SYNJ1: variants seen among roughly 807,000 people sequenced by gnomAD.
SYNJ1 encodes the protein polyphosphatidylinositol phosphatase SYNJ1.
SYNJ1 carries 78 observed loss-of-function variants against 168.2 expected under a neutral mutation model. The ratio of observed to expected loss-of-function variants is 0.46; its 90% CI spans 0.39 to 0.56. The LOEUF is 0.56. Among genes scored for constraint, SYNJ1 ranks in the 20% least tolerant of loss-of-function variants. The pLI is 0.00. For synonymous variants in SYNJ1, 539 were observed against 548.6 expected (o/e 0.98, Z 0.24); for missense variants, 1,303 against 1,597.6 (o/e 0.82, Z 3.14).
At chr21:32,681,406 C>A (rs774575888) in intron 11 of SYNJ1, 90 bp downstream of exon 11, 75 of 1,384,214 alleles carry the variant, frequency 5.4e-5, no homozygotes, top group Non-Finnish European at 7.0e-5. Context: ...TAATTTAAAC[C>A]ATCTATTAAC....
chr21:32,688,886 T>C (rs1333321767), intron 6 of SYNJ1, among the ~76,000 whole-genome samples: 1 of 152,244 alleles, frequency 6.6e-6, no homozygotes, highest in Non-Finnish European at 1.5e-5. Context: ...TTCTCTACTA[T>C]GTTGAATATT....
At chr21:32,669,127 G>A (rs1249184319) in intron 15 of SYNJ1, among the ~76,000 whole-genome samples, 1 of 152,102 alleles carries the variant, frequency 6.6e-6, no homozygotes, top group South Asian at 2.1e-4. Flanking sequence ...AAGCACTTGT[G>A]TTGCATACTG....
Position 32,639,900 on chromosome 21 carries a change from A to G in SYNJ1, c.3589-121T>C, listed in dbSNP as rs144067694. 12,346 of 737,270 alleles carry G rather than the reference A, an allele frequency of 0.017. 138 individuals carry two copies. Among genetic ancestry groups the G allele is most frequent in the Non-Finnish European group, 0.021 (9,574 of 455,132 alleles). The allele number at this position is 737,270 out of a possible 1,614,324, so 45.7% of individuals were successfully genotyped here. On this transcript the variant is annotated intron_variant, in intron 29 of 32. Coordinates refer to ENST00000674351, the MANE Select transcript of SYNJ1 (RefSeq NM_203446.3). ...CTATGGTATTAGTCCCTAATTTGTCATTTTAAGTGCTCTCTACTTGAAGCC... is the reference window on the plus strand; with the variant it reads ...CTATGGTATTAGTCCCTAATTTGTCGTTTTAAGTGCTCTCTACTTGAAGCC...
chr21:32,657,962 T>G, intron 18 of SYNJ1, 90 bp from the exon 19 acceptor site: 1 of 989,692 alleles, frequency 1.0e-6, no homozygotes, highest in Admixed American at 2.4e-5. Context: ...GTCTATTACA[T>G]GCTGGATGCT....
intron 17 of SYNJ1, among the ~76,000 whole-genome samples, chr21:32,665,456 T>C (rs1184209682): frequency 6.6e-6 from 1 of 152,218 alleles, no homozygotes; most frequent in Non-Finnish European, 1.5e-5. Context: ...TCTGCCCTAT[T>C]GTTTATGCAA....
chr21:32,702,104 G>A, intron 2 of SYNJ1, 57 bp from the exon 3 acceptor site: 1 of 1,243,338 alleles, frequency 8.0e-7, no homozygotes, highest in Non-Finnish European at 1.1e-6. Context: ...ATTCTATTTA[G>A]CTAAGTATAA....
In SYNJ1 at chr21:32,705,985, T is replaced by TCAA. The variant is rs369299314; in HGVS notation, c.125-3941_125-3939dup. Among the ~76,000 whole-genome samples, 114 of 152,032 alleles carry TCAA rather than the reference T, an allele frequency of 7.5e-4. 1 individual carries two copies. Among genetic ancestry groups the TCAA allele is most frequent in the African/African-American group, 2.6e-3 (109 of 41,448 alleles). ...CTGGCCGACAGAGTGAAACCCTGTC[T>TCAA]CAACAACAACAGCAAACCAAAGTGA... On this transcript the variant is annotated intron_variant, in intron 2 of 32. Coordinates refer to ENST00000674351, the MANE Select transcript of SYNJ1 (RefSeq NM_203446.3).
chr21:32,656,786 G>A lies in SYNJ1; in HGVS notation c.2696C>T (p.Ser899Leu), dbSNP rs2145851319. 3 of 1,614,084 alleles carry A rather than the reference G, an allele frequency of 1.9e-6. No homozygotes were observed. The highest frequency in any genetic ancestry group is 2.5e-6 in the Non-Finnish European group (3 of 1,180,002). ...QGPPDGTVLV[S>L]IKSSLPENNF... ...ATTTTCTGGTAAAGAACTTTTGATT[G>A]AGACCAATACTGTACCATCTGGTGG... is the stretch of plus-strand genomic sequence containing the variant. The change falls in exon 21 of 33, where the codon TCA (serine) becomes TTA (leucine). Residue 899 changes from serine (S) to leucine (L), a missense_variant. Ser to Leu is a moderately radical substitution (Grantham distance 145, BLOSUM62 -2). Around this residue, in one of 2 missense-constraint regions of SYNJ1, gnomAD observed 920 missense variants for 1,208.8 expected, o/e 0.76. Transcript: ENST00000674351.
At chr21:32,659,906 T>C (rs2040616614) in intron 18 of SYNJ1, among the ~76,000 whole-genome samples, 1 of 152,224 alleles carries the variant, frequency 6.6e-6, no homozygotes, top group South Asian at 2.1e-4. Context: ...GCCTGCCCTG[T>C]GGCACATCCC....
In SYNJ1 at chr21:32,713,182, A is replaced by G. The variant is rs859792; in HGVS notation, c.125-11135T>C. On this transcript the variant is annotated intron_variant, in intron 2 of 32. Coordinates refer to ENST00000674351, the MANE Select transcript of SYNJ1 (RefSeq NM_203446.3). ...TGTCAACATGGATGATTTCCCATAT[A>G]TCAACATGGATGATTTCCCATATGT... Among the ~76,000 whole-genome samples, 1,105 of 135,584 alleles carry G rather than the reference A, an allele frequency of 8.1e-3. 1 individual carries two copies. The highest frequency in any genetic ancestry group is 0.019 in the Middle Eastern group (4 of 206). 88.9% of individuals were successfully genotyped at this position (135,584 alleles called of 152,430 possible). A position where few individuals can be genotyped will look rare whatever the true frequency, so the allele number is the denominator to read the frequency against.
chr21:32,635,929 A>C (rs563116307), intron 31 of SYNJ1, among the ~76,000 whole-genome samples: 1 of 152,290 alleles, frequency 6.6e-6, no homozygotes, highest in Non-Finnish European at 1.5e-5. Context: ...GTTTTGAGGT[A>C]AATCTTCTCC....
At chr21:32,693,500 CA>C (rs1412016422) in intron 6 of SYNJ1, among the ~76,000 whole-genome samples, 1 of 152,034 alleles carries the variant, frequency 6.6e-6, no homozygotes, top group Non-Finnish European at 1.5e-5. Flanking sequence ...ATCCAGCAGT[CA>C]AATAAAGGAA....
intron 2 of SYNJ1, among the ~76,000 whole-genome samples, chr21:32,719,160 C>G (rs2043127365): frequency 6.6e-6 from 1 of 152,216 alleles, no homozygotes; most frequent in African/African-American, 2.4e-5. Context: ...TCAGATGCCC[C>G]ACGGCACTAC....
intron 13 of SYNJ1, among the ~76,000 whole-genome samples, 177 bp downstream of exon 13, chr21:32,676,155 T>C (rs2041398947): frequency 6.6e-6 from 1 of 152,220 alleles, no homozygotes; most frequent in African/African-American, 2.4e-5. Flanking sequence ...AGTACTTAAT[T>C]TTCTCAAGCT....
intron 13 of SYNJ1, among the ~76,000 whole-genome samples, chr21:32,674,875 G>A (rs1291264659): frequency 1.3e-5 from 2 of 152,158 alleles, no homozygotes; most frequent in African/African-American, 4.8e-5. Context: ...TGAAAAAGGC[G>A]AGTGATGTCT....
chr21:32,637,553 C>G (rs532965931), intron 31 of SYNJ1, among the ~76,000 whole-genome samples: 7 of 151,884 alleles, frequency 4.6e-5, no homozygotes, highest in African/African-American at 1.7e-4. Flanking sequence ...GGACTACAGG[C>G]GCACACCACC....
rs183991986 is a variant in SYNJ1 at position 32,714,001 on chromosome 21, T to A, written c.125-11954A>T. Among the ~76,000 whole-genome samples the A allele has an allele frequency of 1.3e-4, 20 of 152,356 alleles. No homozygotes were observed. The East Asian group carries it at 3.7e-3, about 28-fold the overall frequency. ...TGGTATGCTAGTAATAATATTCTAT[T>A]TCTCAACCCAGTTGTGGTAATAAGG... On this transcript the variant is annotated intron_variant, in intron 2 of 32. Coordinates refer to ENST00000674351, the MANE Select transcript of SYNJ1 (RefSeq NM_203446.3).
At chr21:32,638,817 T>G in intron 31 of SYNJ1, 91 bp downstream of exon 31, 7 of 1,242,996 alleles carry the variant, frequency 5.6e-6, no homozygotes, top group Non-Finnish European at 7.7e-6. Context: ...TTATTTTTAC[T>G]TCTTATAACA....
chr21:32,634,929 A>G (rs745914277), intron 31 of SYNJ1, 45 bp from the exon 32 acceptor site: 1 of 1,608,878 alleles, frequency 6.2e-7, no homozygotes, highest in African/African-American at 1.3e-5. Context: ...TTAGGAGGAC[A>G]ATCCGAGATC....
Sources: allele counts gnomAD v4.1 joint callset (sites outside exome capture counted in the v4.1 genomes callset), GRCh38; gene constraint gnomAD v4.1.1; regional missense constraint gnomAD v4.1.1; transcripts MANE v1.5; gene names NCBI Gene and HGNC (gene_info 2026-07-23, HGNC 2026-07-21).